Variants in YIPF4 observed in about 807,000 individuals in gnomAD.
YIPF4 encodes the protein protein YIPF4.
In YIPF4, 18 loss-of-function variants were observed where a neutral mutation model predicts 29.4. That is an observed-to-expected ratio of 0.61 (90% CI 0.42 to 0.91). The LOEUF (loss-of-function observed/expected upper bound fraction) is 0.91, where lower values mean the gene tolerates loss of function less well. YIPF4 is among the 40% of genes least tolerant of loss of function. YIPF4 has a pLI of 0.00. For missense variants in YIPF4, 279 were observed against 282.7 expected (o/e 0.99, Z 0.09); for synonymous variants, 115 against 104.7 (o/e 1.10, Z -0.60).
intron 1 of YIPF4, among the ~76,000 whole-genome samples, chr2:32,283,878 C>T (rs1434968787): frequency 3.3e-5 from 5 of 151,750 alleles, no homozygotes; most frequent in Non-Finnish European, 5.9e-5. Context: ...CCACCATGCT[C>T]GGCTAATTTT....
chr2:32,302,033 C>CT (rs753050630), intron 5 of YIPF4, among the ~76,000 whole-genome samples: 5,621 of 134,376 alleles, frequency 0.042, 218 homozygotes, highest in African/African-American at 0.11. Context: ...TTCTTTCTTT[C>CT]TTTTTTTTTT....
chr2:32,294,680 G>C (rs1000366918), intron 3 of YIPF4, among the ~76,000 whole-genome samples: 8 of 152,194 alleles, frequency 5.3e-5, no homozygotes, highest in African/African-American at 1.9e-4. Flanking sequence ...CCGGGCAGAG[G>C]CTGCATTCTC....
In YIPF4 at chr2:32,311,094, G is replaced by A. The variant is rs988259644; in HGVS notation, c.*5468G>A. On this transcript the variant is annotated 3_prime_UTR_variant, in exon 6 of 6. Transcript: ENST00000238831. ...TACATAAAAACTCCCATGCTGATCG[G>A]TTGTGGGATCGTGCCTGTGAATAAC... 1 of 152,076 alleles carries A rather than the reference G, an allele frequency of 6.6e-6. No individual in the cohort carries two copies. The highest frequency in any genetic ancestry group is 2.4e-5 in the African/African-American group (1 of 41,402). 9.4% of individuals were successfully genotyped at this position (152,076 alleles called of 1,614,324 possible). A position where few individuals can be genotyped will look rare whatever the true frequency, so the allele number is the denominator to read the frequency against.
At chr2:32,279,387 G>C (rs969737234) in intron 1 of YIPF4, among the ~76,000 whole-genome samples, 4 of 130,510 alleles carry the variant, frequency 3.1e-5, no homozygotes, top group Admixed American at 2.4e-4. Flanking sequence ...AAAGAACCTA[G>C]ATTTTCCTTT....
chr2:32,307,280 C>A lies in YIPF4; in HGVS notation c.*1654C>A. 2.1e-6 allele frequency: 1 copy of A among 477,176 alleles called. No homozygotes were observed. The highest frequency in any genetic ancestry group is 3.0e-6 in the Non-Finnish European group (1 of 337,972). 29.6% of individuals were successfully genotyped at this position (477,176 alleles called of 1,614,324 possible). ...AATATTTGACATTCATAGTGTTGAC[C>A]CTGGAATCTTTCACAGAAAGCTTGG... On this transcript the variant is annotated 3_prime_UTR_variant, in exon 6 of 6. Coordinates refer to ENST00000238831, the MANE Select transcript of YIPF4 (RefSeq NM_032312.4).
chr2:32,285,427 T>G (rs1001340230), intron 1 of YIPF4, among the ~76,000 whole-genome samples: 6 of 152,186 alleles, frequency 3.9e-5, no homozygotes, highest in Admixed American at 6.6e-5. Flanking sequence ...AACCTTGGCC[T>G]TCTTCAGTCT....
At chr2:32,278,825 A>G (rs892057281) in intron 1 of YIPF4, among the ~76,000 whole-genome samples, 1 of 152,132 alleles carries the variant, frequency 6.6e-6, no homozygotes, top group Admixed American at 6.6e-5. Flanking sequence ...TAAACCAACA[A>G]TGTGTTTCCA....
Position 32,309,243 on chromosome 2 carries a change from C to G in YIPF4, c.*3617C>G, listed in dbSNP as rs1340240638. Reference sequence around the variant, plus strand: ...CCCCAATCCAAAATTCAGAATGCTTCAGATAAGAACATTTTTGAGTGCCGA... The same window carrying G: ...CCCCAATCCAAAATTCAGAATGCTTGAGATAAGAACATTTTTGAGTGCCGA... On this transcript the variant is annotated 3_prime_UTR_variant, in exon 6 of 6. Transcript: ENST00000238831. The G allele has an allele frequency of 6.6e-6, 1 of 152,062 alleles. No individual in the cohort carries two copies. Among genetic ancestry groups the G allele is most frequent in the Admixed American group, 6.6e-5 (1 of 15,260 alleles). 9.4% of individuals were successfully genotyped at this position (152,062 alleles called of 1,614,324 possible). A position where few individuals can be genotyped will look rare whatever the true frequency, so the allele number is the denominator to read the frequency against.
chr2:32,285,304 A>G (rs559508903), intron 1 of YIPF4, among the ~76,000 whole-genome samples: 6 of 152,270 alleles, frequency 3.9e-5, no homozygotes, highest in South Asian at 4.2e-4. Context: ...GACCTGAGAT[A>G]TATCAGTTTT....
At chr2:32,302,879 C>T (rs984143525) in intron 5 of YIPF4, among the ~76,000 whole-genome samples, 11 of 152,206 alleles carry the variant, frequency 7.2e-5, no homozygotes, top group East Asian at 1.9e-4. Context: ...GGAAACTATA[C>T]GCTGATACTG....
In YIPF4 at chr2:32,298,236, G is replaced by C. The variant is rs1301138538; in HGVS notation, c.408G>C (p.Val136=). Residue 136 remains valine (V), a splice_region_variant and synonymous_variant, in exon 4 of 6, where the codon GTG becomes GTC. Coordinates refer to ENST00000238831, the MANE Select transcript of YIPF4 (RefSeq NM_032312.4). The part of the protein sequence containing the change: ...SMISLYGQFR[V]VSWIITIWIF... Reference sequence around the variant, plus strand: ...ATTGCATGATTTTTCCCCCTAAGGTGGTCTCATGGATTATAACCATTTGGA... The same window carrying C: ...ATTGCATGATTTTTCCCCCTAAGGTCGTCTCATGGATTATAACCATTTGGA... 2 of 1,601,552 alleles carry C rather than the reference G, an allele frequency of 1.2e-6. No individual in the cohort carries two copies. The highest frequency in any genetic ancestry group is 3.4e-5 in the Admixed American group (2 of 58,916).
chr2:32,307,174 C>T lies in YIPF4; in HGVS notation c.*1548C>T, dbSNP rs1047319507. On this transcript the variant is annotated 3_prime_UTR_variant, in exon 6 of 6. Coordinates refer to ENST00000238831, the MANE Select transcript of YIPF4 (RefSeq NM_032312.4). ...TGAAGTAATCAGGAAATATCTATGC[C>T]TACAGAAGCAGCAACCGTAAGATAA... The T allele has an allele frequency of 3.8e-5, 48 of 1,278,654 alleles. 1 individual carries two copies. Among genetic ancestry groups the T allele is most frequent in the Non-Finnish European group, 4.6e-5 (45 of 977,190 alleles). The allele number at this position is 1,278,654 out of a possible 1,614,324, so 79.2% of individuals were successfully genotyped here.
At position 32,313,124 on chromosome 2, in the gene YIPF4, A is replaced by C. The variant is rs991355539; in HGVS notation, c.*7498A>C. 6.6e-6 allele frequency: 1 copy of C among 152,210 alleles called. No individual in the cohort carries two copies. Among genetic ancestry groups the C allele is most frequent in the African/African-American group, 2.4e-5 (1 of 41,470 alleles). The allele number at this position is 152,210 out of a possible 1,614,324, so 9.4% of individuals were successfully genotyped here. A position where few individuals can be genotyped will look rare whatever the true frequency, so the allele number is the denominator to read the frequency against. On this transcript the variant is annotated 3_prime_UTR_variant, in exon 6 of 6. Coordinates refer to ENST00000238831, the MANE Select transcript of YIPF4 (RefSeq NM_032312.4). ...ATGAGAAAAAGAGGCCTGTGGTGGT[A>C]AGCAAGTATATAAAAGAAGCCTTCC...
chr2:32,296,128 A>G lies in YIPF4; in HGVS notation c.406-2106A>G, dbSNP rs143604988. ...CCTACCTACCACTGGTTCTTCATCT[A>G]GAACATCTCTAATTGTATCTGTTTT... On this transcript the variant is annotated intron_variant, in intron 3 of 5. Coordinates refer to ENST00000238831, the MANE Select transcript of YIPF4 (RefSeq NM_032312.4). Among the ~76,000 whole-genome samples, 22 of 152,316 alleles carry G rather than the reference A, an allele frequency of 1.4e-4. No homozygotes were observed. In the East Asian group the frequency reaches 4.0e-3, roughly 28 times the overall value.
chr2:32,294,715 C>T (rs867070745), intron 3 of YIPF4, among the ~76,000 whole-genome samples: 5 of 152,288 alleles, frequency 3.3e-5, no homozygotes, highest in South Asian at 4.1e-4. Flanking sequence ...CCAAGGCAGG[C>T]GGCTGGGAGG....
rs1340187816 is a variant in YIPF4 at position 32,278,213 on chromosome 2, G to C, written c.58G>C (p.Val20Leu). ...YAPTNGDFTF[V>L]SSADAEDLSG... ...CCCCACTAACGGGGACTTCACCTTTGTCTCCTCAGCAGACGCGGAAGGTGA... is the reference window on the plus strand; with the variant it reads ...CCCCACTAACGGGGACTTCACCTTTCTCTCCTCAGCAGACGCGGAAGGTGA... The change falls in exon 1 of 6, where the codon GTC becomes CTC. Residue 20 changes from valine to leucine, a missense_variant. By Grantham distance (32) the Val-to-Leu change is conservative (BLOSUM62 1). Transcript: ENST00000238831. 1 of 1,570,550 alleles carries C rather than the reference G, an allele frequency of 6.4e-7. No individual in the cohort carries two copies. The highest frequency in any genetic ancestry group is 2.4e-5 in the East Asian group (1 of 42,098).
intron 1 of YIPF4, 123 bp downstream of exon 1, chr2:32,278,357 G>T (rs1270952723): frequency 9.6e-6 from 9 of 941,758 alleles, no homozygotes; most frequent in Middle Eastern, 2.7e-4. Flanking sequence ...ACTGGTGACT[G>T]CAGCCCACCA....
intron 1 of YIPF4, among the ~76,000 whole-genome samples, chr2:32,285,092 TTGA>T (rs1332550857): frequency 6.6e-6 from 1 of 151,284 alleles, no homozygotes; most frequent in Non-Finnish European, 1.5e-5. Context: ...CAGACAGGAG[TTGA>T]TGGTTTGCAT....
At chr2:32,279,951 C>T (rs2030318347) in intron 1 of YIPF4, among the ~76,000 whole-genome samples, 1 of 142,320 alleles carries the variant, frequency 7.0e-6, no homozygotes, top group Admixed American at 7.3e-5. Flanking sequence ...GGCTGGAGTG[C>T]AGTGGTTTGA....
Sources: gnomAD v4.1 joint callset for allele counts (sites outside exome capture counted in the v4.1 genomes callset) on GRCh38, gnomAD v4.1.1 for gene constraint, MANE v1.5 for transcripts, NCBI Gene and HGNC (gene_info 2026-07-23, HGNC 2026-07-21) for gene names.